TMEFF1: variants seen among roughly 807,000 people sequenced by gnomAD.
TMEFF1 encodes tomoregulin-1.
In TMEFF1, 20 loss-of-function variants were observed where a neutral mutation model predicts 47.5. That is an observed-to-expected ratio of 0.42 (90% CI 0.30 to 0.61). The LOEUF (loss-of-function observed/expected upper bound fraction) is 0.61. TMEFF1 is among the 20% of genes least tolerant of loss of function. TMEFF1 has a pLI of 0.19. For missense variants in TMEFF1, 411 were observed against 471.1 expected (o/e 0.87, Z 1.18); for synonymous variants, 162 against 166.3 (o/e 0.97, Z 0.20).
rs541899070 is a variant in TMEFF1 at position 100,524,308 on chromosome 9, G to T, written c.560+7537G>T. ...ACTACCTATGTACCTAACACCTAGG[G>T]TACAAAATAGAATACTGCTATTATT... On this transcript the variant is annotated intron_variant, in intron 5 of 9. Transcript: ENST00000374879. 2.6e-5 allele frequency among the ~76,000 whole-genome samples: 4 copies of T among 152,126 alleles called. No homozygotes were observed. The South Asian group carries it at 8.3e-4, about 32-fold the overall frequency.
At chr9:100,490,379 T>G in intron 1 of TMEFF1, among the ~76,000 whole-genome samples, 1 of 152,188 alleles carries the variant, frequency 6.6e-6, no homozygotes, top group Non-Finnish European at 1.5e-5. Context: ...GGACTTGAAG[T>G]CAACATTTGC....
At chr9:100,556,102 C>CTA (rs1838908894) in intron 7 of TMEFF1, among the ~76,000 whole-genome samples, 1 of 152,146 alleles carries the variant, frequency 6.6e-6, no homozygotes, top group African/African-American at 2.4e-5. Flanking sequence ...TGAACCTTAA[C>CTA]ACTTGTTCTC....
rs568021377 is a variant in TMEFF1 at position 100,572,982 on chromosome 9, CT to C, written c.1058+322del. On this transcript the variant is annotated intron_variant, in intron 9 of 9. Transcript: ENST00000374879. ...CTGGGAAAATAATGTTAGTAGCAAT[CT>C]TTTTTTTTTTTTTTTAAGAGACAGG... Among the ~76,000 whole-genome samples, 1,089 of 139,864 alleles carry C rather than the reference CT, an allele frequency of 7.8e-3. 1 individual carries two copies. Among genetic ancestry groups the C allele is most frequent in the Middle Eastern group, 0.014 (4 of 278 alleles). The allele number at this position is 139,864 out of a possible 152,430, so 91.8% of individuals were successfully genotyped here. A position where few individuals can be genotyped will look rare whatever the true frequency, so the allele number is the denominator to read the frequency against.
intron 8 of TMEFF1, among the ~76,000 whole-genome samples, chr9:100,563,592 T>C (rs2118554098): frequency 6.6e-6 from 1 of 152,358 alleles, no homozygotes; most frequent in East Asian, 1.9e-4. Context: ...AGAATAGTAA[T>C]AGTACCTATC....
intron 5 of TMEFF1, among the ~76,000 whole-genome samples, chr9:100,532,979 A>G (rs1288221550): frequency 1.3e-5 from 2 of 151,782 alleles, no homozygotes; most frequent in Non-Finnish European, 2.9e-5. Flanking sequence ...TCAGTAAACT[A>G]TCGCAAGAAC....
At chr9:100,497,758 C>G (rs887474475) in intron 1 of TMEFF1, among the ~76,000 whole-genome samples, 1 of 152,070 alleles carries the variant, frequency 6.6e-6, no homozygotes, top group African/African-American at 2.4e-5. Context: ...GAGAAATGCT[C>G]CCTTAGATCT....
chr9:100,509,059 G>A lies in TMEFF1; in HGVS notation c.361G>A (p.Glu121Lys). Reference sequence around the variant, plus strand: ...ATCAAATGGGGACACTTATCAAAATGAATGCTTTCTCAGAAGGGCTGCTTG... The same window carrying A: ...ATCAAATGGGGACACTTATCAAAATAAATGCTTTCTCAGAAGGGCTGCTTG... ...CGSNGDTYQNECFLRRAACKH... is the reference protein window; with the variant it reads ...CGSNGDTYQNKCFLRRAACKH... The change falls in exon 3 of 10, where the codon GAA becomes AAA. Residue 121 changes from glutamate (E) to lysine (K), a missense_variant. Glu to Lys is a moderately conservative substitution (Grantham distance 56). Coordinates refer to ENST00000374879, the MANE Select transcript of TMEFF1 (RefSeq NM_003692.5). 6.2e-7 allele frequency: 1 copy of A among 1,604,556 alleles called. No homozygotes were observed. The highest frequency in any genetic ancestry group is 1.1e-5 in the South Asian group (1 of 88,922).
chr9:100,540,337 C>G (rs904089460), intron 5 of TMEFF1, among the ~76,000 whole-genome samples: 17 of 152,248 alleles, frequency 1.1e-4, no homozygotes, highest in African/African-American at 3.4e-4. Flanking sequence ...GAAAAGTTCT[C>G]CAAGTCCCCA....
At chr9:100,552,944 C>T (rs1838853139) in intron 7 of TMEFF1, among the ~76,000 whole-genome samples, 1 of 151,574 alleles carries the variant, frequency 6.6e-6, no homozygotes, top group Non-Finnish European at 1.5e-5. Context: ...TGGGACAGCA[C>T]AGATATAGAA....
At chr9:100,476,365 A>T (rs1042189792) in intron 1 of TMEFF1, among the ~76,000 whole-genome samples, 1 of 151,794 alleles carries the variant, frequency 6.6e-6, no homozygotes, top group South Asian at 2.1e-4. Flanking sequence ...TTTATTATCT[A>T]GGTATCCCCC....
intron 5 of TMEFF1, among the ~76,000 whole-genome samples, chr9:100,538,302 C>T (rs991180590): frequency 3.9e-5 from 6 of 152,180 alleles, no homozygotes; most frequent in South Asian, 2.1e-4. Flanking sequence ...GTGATCCACC[C>T]GCCTCGGCCT....
At chr9:100,527,597 T>C (rs1034590853) in intron 5 of TMEFF1, among the ~76,000 whole-genome samples, 1 of 151,962 alleles carries the variant, frequency 6.6e-6, no homozygotes, top group African/African-American at 2.4e-5. Context: ...CCTACACCCA[T>C]ATAGTCTCGC....
chr9:100,525,565 C>A (rs187044641), intron 5 of TMEFF1, among the ~76,000 whole-genome samples: 2 of 151,924 alleles, frequency 1.3e-5, no homozygotes, highest in South Asian at 4.2e-4. Context: ...CTCCCGAACC[C>A]CCCGTATTCT....
intron 4 of TMEFF1, among the ~76,000 whole-genome samples, 180 bp from the exon 5 acceptor site, chr9:100,516,495 G>T (rs574592361): frequency 6.6e-6 from 1 of 152,154 alleles, no homozygotes; most frequent in Non-Finnish European, 1.5e-5. Context: ...CACAAAATAT[G>T]TTGTACTCAG....
chr9:100,520,411 T>C (rs938527291), intron 5 of TMEFF1, among the ~76,000 whole-genome samples: 4 of 152,240 alleles, frequency 2.6e-5, no homozygotes, highest in African/African-American at 9.6e-5. Flanking sequence ...CCAACCTATC[T>C]GATTTGCAAA....
chr9:100,478,385 A>G (rs934962636), intron 1 of TMEFF1, among the ~76,000 whole-genome samples: 6 of 152,110 alleles, frequency 3.9e-5, no homozygotes, highest in Admixed American at 6.5e-5. Context: ...TAGTGACGCA[A>G]TCTCAGCTTA....
At chr9:100,511,907 G>A (rs976777356) in intron 3 of TMEFF1, among the ~76,000 whole-genome samples, 2 of 152,136 alleles carry the variant, frequency 1.3e-5, no homozygotes, top group Admixed American at 6.5e-5. Context: ...CTTGTTATCA[G>A]AGTAGCCACA....
chr9:100,483,097 C>T, intron 1 of TMEFF1, among the ~76,000 whole-genome samples: 1 of 152,176 alleles, frequency 6.6e-6, no homozygotes, highest in Non-Finnish European at 1.5e-5. Flanking sequence ...AAATTTCTCT[C>T]ATTGTTGTGA....
intron 5 of TMEFF1, among the ~76,000 whole-genome samples, chr9:100,543,508 A>G (rs1258306903): frequency 6.6e-6 from 1 of 151,688 alleles, no homozygotes; most frequent in Non-Finnish European, 1.5e-5. Flanking sequence ...TATTTTTCTC[A>G]GAATTGTATC....
Sources: gnomAD v4.1 joint callset for allele counts (sites outside exome capture counted in the v4.1 genomes callset) on GRCh38, gnomAD v4.1.1 for gene constraint, MANE v1.5 for transcripts, NCBI Gene and HGNC (gene_info 2026-07-23, HGNC 2026-07-21) for gene names.